Variants in SOX5 observed in about 807,000 individuals in gnomAD.
The protein encoded by SOX5 is transcription factor SOX-5.
SOX5 carries 9 observed loss-of-function variants against 92.0 expected under a neutral mutation model. The observed-to-expected ratio is 0.10, with a 90% CI of 0.06 to 0.17. The LOEUF is 0.17. Among genes scored for constraint, SOX5 ranks in the 10% least tolerant of loss-of-function variants. The pLI is 1.00. For missense variants in SOX5, 642 were observed against 944.5 expected (o/e 0.68, Z 4.20); for synonymous variants, 344 against 336.3 (o/e 1.02, Z -0.25).
intron 10 of SOX5, among the ~76,000 whole-genome samples, chr12:23,574,813 G>A (rs1948874499): frequency 6.6e-6 from 1 of 152,114 alleles, no homozygotes; most frequent in East Asian, 1.9e-4. Flanking sequence ...TCAAGGCTCA[G>A]TTTGAATTAG....
chr12:24,450,481 T>G (rs1942122718), intron 1 of SOX5, among the ~76,000 whole-genome samples: 1 of 150,342 alleles, frequency 6.7e-6, no homozygotes, highest in African/African-American at 2.4e-5. Flanking sequence ...TTTATTTATT[T>G]ATTTATTTAT....
chr12:24,235,624 C>A (rs138867850), intron 3 of SOX5, among the ~76,000 whole-genome samples: 3 of 152,070 alleles, frequency 2.0e-5, no homozygotes, highest in African/African-American at 7.2e-5. Context: ...AAGGGCAAAA[C>A]GTTTATCTTC....
At chr12:24,227,088 G>A (rs143206840) in intron 3 of SOX5, 2 of 152,376 alleles carry the variant, frequency 1.3e-5, no homozygotes, top group East Asian at 1.9e-4. Context: ...TGGACAGGGT[G>A]CATCCTGGTT....
intron 3 of SOX5, among the ~76,000 whole-genome samples, chr12:24,218,138 G>A (rs1959485740): frequency 6.6e-6 from 1 of 152,094 alleles, no homozygotes; most frequent in Non-Finnish European, 1.5e-5. Flanking sequence ...ATACCCAAGA[G>A]AAATAAAAAC....
At chr12:24,028,171 G>A (rs985696954) in intron 4 of SOX5, among the ~76,000 whole-genome samples, 5 of 151,912 alleles carry the variant, frequency 3.3e-5, no homozygotes, top group Admixed American at 1.3e-4. Context: ...AATGTCTGTA[G>A]CAGTCACCAA....
chr12:24,072,693 G>GA (rs1179122423), intron 4 of SOX5, among the ~76,000 whole-genome samples: 1 of 151,908 alleles, frequency 6.6e-6, no homozygotes, highest in African/African-American at 2.4e-5. Context: ...GACATTAATG[G>GA]AAAAAAACCT....
intron 3 of SOX5, among the ~76,000 whole-genome samples, chr12:24,257,956 C>G (rs191811912): frequency 6.6e-6 from 1 of 151,828 alleles, no homozygotes; most frequent in African/African-American, 2.4e-5. Context: ...AAGTGGATCA[C>G]GAGGTCAGGA....
chr12:24,047,149 T>C (rs1201426250), intron 4 of SOX5, among the ~76,000 whole-genome samples: 2 of 152,144 alleles, frequency 1.3e-5, no homozygotes, highest in Non-Finnish European at 2.9e-5. Context: ...TCAAAAGACA[T>C]GGTGAAAGAA....
intron 10 of SOX5, among the ~76,000 whole-genome samples, chr12:23,568,301 C>G (rs1388351596): frequency 6.6e-6 from 1 of 152,158 alleles, no homozygotes; most frequent in Non-Finnish European, 1.5e-5. Context: ...ACCCACCCTG[C>G]TGACACCTTG....
intron 3 of SOX5, among the ~76,000 whole-genome samples, chr12:23,764,798 T>C (rs1271408903): frequency 6.6e-6 from 1 of 152,100 alleles, no homozygotes; most frequent in Non-Finnish European, 1.5e-5. Context: ...AGAATTTCAA[T>C]ACTTTAAAAT....
At chr12:24,414,723 G>A (rs1477981716) in intron 1 of SOX5, among the ~76,000 whole-genome samples, 2 of 152,212 alleles carry the variant, frequency 1.3e-5, no homozygotes, top group African/African-American at 4.8e-5. Context: ...AGCTGCCACT[G>A]AGTCCAACTC....
intron 2 of SOX5, among the ~76,000 whole-genome samples, chr12:24,320,408 G>A (rs1950095688): frequency 6.6e-6 from 1 of 152,056 alleles, no homozygotes. Flanking sequence ...ACACTAAATT[G>A]ATTGTCCTCC....
intron 4 of SOX5, among the ~76,000 whole-genome samples, chr12:24,131,908 A>C (rs1254168789): frequency 1.3e-5 from 2 of 152,100 alleles, no homozygotes; most frequent in African/African-American, 4.8e-5. Flanking sequence ...CACGGACTAG[A>C]TTTCCTGCAT....
chr12:23,653,261 C>T (rs1288491347), intron 7 of SOX5, among the ~76,000 whole-genome samples: 1 of 151,972 alleles, frequency 6.6e-6, no homozygotes. Context: ...CATGTCCACC[C>T]TATTTTATCT....
chr12:24,388,809 C>T (rs12425428), intron 1 of SOX5, among the ~76,000 whole-genome samples: 133 of 152,170 alleles, frequency 8.7e-4, no homozygotes, highest in East Asian at 1.5e-3. Flanking sequence ...AATGTACTTT[C>T]TGTCTCTATA....
chr12:23,750,375 G>C (rs1167258994), intron 4 of SOX5, among the ~76,000 whole-genome samples: 1 of 151,892 alleles, frequency 6.6e-6, no homozygotes, highest in Non-Finnish European at 1.5e-5. Context: ...AAAATGAGTA[G>C]ATGAGGAAAT....
intron 1 of SOX5, among the ~76,000 whole-genome samples, chr12:24,370,758 C>T (rs1030295653): frequency 2.6e-5 from 4 of 152,234 alleles, no homozygotes; most frequent in Admixed American, 2.6e-4. Context: ...TGCCATTGTA[C>T]TCCAGCCTGG....
At chr12:24,148,730 A>G (rs1951359668) in intron 4 of SOX5, among the ~76,000 whole-genome samples, 1 of 147,404 alleles carries the variant, frequency 6.8e-6, no homozygotes, top group African/African-American at 2.5e-5. Context: ...GAAAGAAAGA[A>G]AAGAAAAGAA....
chr12:23,615,158 G>C (rs2076404515), intron 8 of SOX5, among the ~76,000 whole-genome samples: 4 of 152,078 alleles, frequency 2.6e-5, no homozygotes, highest in Admixed American at 2.6e-4. Flanking sequence ...TTTGGCAGGT[G>C]TGAAGTGGTA....
Sources: allele counts gnomAD v4.1 joint callset (sites outside exome capture counted in the v4.1 genomes callset), GRCh38; gene constraint gnomAD v4.1.1; transcripts MANE v1.5; gene names NCBI Gene and HGNC (gene_info 2026-07-23, HGNC 2026-07-21).